Variants in LBHD1 observed in about 807,000 individuals in gnomAD.
LBHD1 encodes the protein LBH domain-containing protein 1.
LBHD1 carries 28 observed loss-of-function variants against 31.1 expected under a neutral mutation model. The observed-to-expected ratio is 0.90, with a 90% CI of 0.67 to 1.24. LBHD1 has a LOEUF of 1.24. LBHD1 is among the 50% of genes most tolerant of loss of function. The pLI, the probability that LBHD1 is intolerant of heterozygous loss-of-function variation, is 0.00. For missense variants in LBHD1, 350 were observed against 323.0 expected (o/e 1.08, Z -0.64); for synonymous variants, 105 against 116.5 (o/e 0.90, Z 0.63).
At chr11:62,671,046 C>G in intron 1 of LBHD1, 6 of 278,564 alleles carry the variant, frequency 2.2e-5, no homozygotes. Flanking sequence ...CTTCAGTGAG[C>G]CATGATCGCG....
At chr11:62,664,139 T>C (rs1944728480) in intron 5 of LBHD1, among the ~76,000 whole-genome samples, 1 of 150,624 alleles carries the variant, frequency 6.6e-6, no homozygotes, top group Non-Finnish European at 1.5e-5. Flanking sequence ...ATGGGAACTC[T>C]TCCTCAAGAC....
In LBHD1 at chr11:62,672,248, G is replaced by A; in HGVS notation, c.-695C>T. 1.1e-6 allele frequency: 1 copy of A among 931,838 alleles called. No homozygotes were observed. Among genetic ancestry groups the A allele is most frequent in the Non-Finnish European group, 1.6e-6 (1 of 631,256 alleles). 57.7% of individuals were successfully genotyped at this position (931,838 alleles called of 1,614,324 possible). A position where few individuals can be genotyped will look rare whatever the true frequency, so the allele number is the denominator to read the frequency against. On this transcript the variant is annotated 5_prime_UTR_variant, in exon 1 of 7. Coordinates refer to ENST00000354588, the MANE Select transcript of LBHD1 (RefSeq NM_024099.5). ...AGGACTCTCCGGGGTCCTGTGAGCTGCCGTCGGGTGAGCACGTTTCCCCCA... is the reference window on the plus strand; with the variant it reads ...AGGACTCTCCGGGGTCCTGTGAGCTACCGTCGGGTGAGCACGTTTCCCCCA...
At chr11:62,667,076 A>G in intron 4 of LBHD1, 3 of 1,540,656 alleles carry the variant, frequency 1.9e-6, no homozygotes, top group Non-Finnish European at 2.6e-6. Context: ...TCCTGACCCT[A>G]GTATTTCTGT....
chr11:62,662,973 G>T lies in LBHD1; in HGVS notation c.*156C>A. The T allele has an allele frequency of 2.6e-6, 3 of 1,160,428 alleles. No individual in the cohort carries two copies. Among genetic ancestry groups the T allele is most frequent in the Non-Finnish European group, 2.5e-6 (2 of 811,014 alleles). The allele number at this position is 1,160,428 out of a possible 1,614,324, so 71.9% of individuals were successfully genotyped here. A position where few individuals can be genotyped will look rare whatever the true frequency, so the allele number is the denominator to read the frequency against. On this transcript the variant is annotated 3_prime_UTR_variant, in exon 7 of 7. Coordinates refer to ENST00000354588, the MANE Select transcript of LBHD1 (RefSeq NM_024099.5). Reference sequence around the variant, plus strand: ...AATCTGGAGAGTGAAAAGGGGCCTTGCTTTTGTCAAAGTCCTCTGAAACAA... The same window carrying T: ...AATCTGGAGAGTGAAAAGGGGCCTTTCTTTTGTCAAAGTCCTCTGAAACAA...
At position 62,664,988 on chromosome 11, in the gene LBHD1, G is replaced by A. The variant is rs201122893; in HGVS notation, c.539-15C>T. ...TTCTTCAGCTCCTGCCGGGGAGAAAGATGCGAATCAGATGGAGTGGGCTCG... is the reference window on the plus strand; with the variant it reads ...TTCTTCAGCTCCTGCCGGGGAGAAAAATGCGAATCAGATGGAGTGGGCTCG... On this transcript the variant is annotated splice_polypyrimidine_tract_variant and intron_variant, in intron 4 of 6. Transcript: ENST00000354588. 3.9e-4 allele frequency: 620 copies of A among 1,608,954 alleles called. 6 individuals carry two copies. The highest frequency in any genetic ancestry group is 3.0e-4 in the Non-Finnish European group (355 of 1,179,796).
At position 62,671,927 on chromosome 11, in the gene LBHD1, C is replaced by T. The variant is rs749454282; in HGVS notation, c.-374G>A. 6.2e-7 allele frequency: 1 copy of T among 1,613,162 alleles called. No individual in the cohort carries two copies. Among genetic ancestry groups the T allele is most frequent in the South Asian group, 1.1e-5 (1 of 91,068 alleles). ...GGTGGAGAGCCCCGGACTGGAGCTCCTGCGAACTCCCCTTCCTGCCCTCAG... is the reference window on the plus strand; with the variant it reads ...GGTGGAGAGCCCCGGACTGGAGCTCTTGCGAACTCCCCTTCCTGCCCTCAG... On this transcript the variant is annotated 5_prime_UTR_variant, in exon 1 of 7. Transcript: ENST00000354588.
chr11:62,665,939 C>G, intron 4 of LBHD1: 5 of 1,611,978 alleles, frequency 3.1e-6, no homozygotes, highest in Non-Finnish European at 4.2e-6. Context: ...CGTGCCGCCC[C>G]TTTGCGGGTA....
At chr11:62,664,744 C>G (rs1944747925) in intron 5 of LBHD1, 105 bp downstream of exon 5, 2 of 1,382,552 alleles carry the variant, frequency 1.4e-6, no homozygotes, top group Non-Finnish European at 9.8e-7. Context: ...CCCGCATAAG[C>G]GTCAGTGCAC....
Position 62,671,676 on chromosome 11 carries a change from G to T in LBHD1, c.-123C>A. ...GCTCTAGCCTGCGCCAAGGGGTAGT[G>T]AGACCGCGCGGCAACAGCTTGCGGC... On this transcript the variant is annotated 5_prime_UTR_variant, in exon 1 of 7. Transcript: ENST00000354588. 6.3e-7 allele frequency: 1 copy of T among 1,594,300 alleles called. No homozygotes were observed. The highest frequency in any genetic ancestry group is 8.5e-7 in the Non-Finnish European group (1 of 1,171,224).
At chr11:62,667,929 A>G in intron 3 of LBHD1, 182 bp from the exon 4 acceptor site, 1 of 570,574 alleles carries the variant, frequency 1.8e-6, no homozygotes, top group Non-Finnish European at 3.1e-6. Context: ...TGAGCCCGGG[A>G]TAGTGGCACA....
Position 62,664,838 on chromosome 11 carries a change from C to T in LBHD1, c.663+11G>A, listed in dbSNP as rs775506624. 1 of 1,559,976 alleles carries T rather than the reference C, an allele frequency of 6.4e-7. No individual in the cohort carries two copies. Among genetic ancestry groups the T allele is most frequent in the South Asian group, 1.2e-5 (1 of 85,074 alleles). ...TGGGGACGACCAACAGGAAGAGGGTCTAGTACTTACGCCCGCTTCTTGAGG... is the reference window on the plus strand; with the variant it reads ...TGGGGACGACCAACAGGAAGAGGGTTTAGTACTTACGCCCGCTTCTTGAGG... On this transcript the variant is annotated intron_variant, in intron 5 of 6. Coordinates refer to ENST00000354588, the MANE Select transcript of LBHD1 (RefSeq NM_024099.5).
intron 1 of LBHD1, chr11:62,671,169 C>A (rs951089533): frequency 9.7e-5 from 39 of 402,794 alleles, no homozygotes; most frequent in African/African-American, 3.3e-4. Context: ...CAAACAATAC[C>A]AAGTGTGTAC....
chr11:62,667,372 C>T, intron 4 of LBHD1, 151 bp downstream of exon 4: 1 of 783,632 alleles, frequency 1.3e-6, no homozygotes, highest in Non-Finnish European at 2.1e-6. Context: ...GGAACTGAAT[C>T]AAAACCCCTG....
chr11:62,665,491 G>A (rs1379624750), intron 4 of LBHD1: 1 of 1,575,620 alleles, frequency 6.3e-7, no homozygotes, highest in African/African-American at 1.3e-5. Context: ...GAGGGAAAGG[G>A]CTCTGGCCCC....
At chr11:62,671,106 C>T (rs538193608) in intron 1 of LBHD1, 14 of 346,508 alleles carry the variant, frequency 4.0e-5, no homozygotes, top group Non-Finnish European at 5.7e-5. Flanking sequence ...TCTCCAAAAA[C>T]AAACAAAACC....
chr11:62,671,934 C>T lies in LBHD1; in HGVS notation c.-381G>A. ...AGCCCCGGACTGGAGCTCCTGCGAA[C>T]TCCCCTTCCTGCCCTCAGGAGATGC... On this transcript the variant is annotated 5_prime_UTR_variant, in exon 1 of 7. Coordinates refer to ENST00000354588, the MANE Select transcript of LBHD1 (RefSeq NM_024099.5). 2 of 1,613,408 alleles carry T rather than the reference C, an allele frequency of 1.2e-6. No homozygotes were observed. Among genetic ancestry groups the T allele is most frequent in the Non-Finnish European group, 1.7e-6 (2 of 1,179,516 alleles).
chr11:62,669,668 A>C lies in LBHD1; in HGVS notation c.286T>G (p.Phe96Val). The C allele has an allele frequency of 6.2e-7, 1 of 1,614,058 alleles. No individual in the cohort carries two copies. Among genetic ancestry groups the C allele is most frequent in the African/African-American group, 1.3e-5 (1 of 75,056 alleles). ...TDGEEEDAEAFFQDQSEEPGW... is the reference protein window; with the variant it reads ...TDGEEEDAEAVFQDQSEEPGW... Reference sequence around the variant, plus strand: ...GGCTCTTCACTTTGGTCTTGGAAGAAGGCCTCAGCATCCTCTTCCTCACCA... The same window carrying C: ...GGCTCTTCACTTTGGTCTTGGAAGACGGCCTCAGCATCCTCTTCCTCACCA... The change falls in exon 3 of 7, where the codon TTC becomes GTC. Residue 96 changes from phenylalanine to valine, a missense_variant. Coordinates refer to ENST00000354588, the MANE Select transcript of LBHD1 (RefSeq NM_024099.5).
intron 4 of LBHD1, chr11:62,665,964 G>C: frequency 1.9e-6 from 3 of 1,600,424 alleles, no homozygotes; most frequent in Non-Finnish European, 2.6e-6. Context: ...GGTGGGGGCA[G>C]AGTGGAGAGG....
chr11:62,667,059 TTAG>T lies in LBHD1; in HGVS notation c.538+461_538+463del, dbSNP rs1433203898. ...ATTCAAGGCTCTCATTAAAGACATTTTAGTAGTCCTGACCCTAGTATTTCTGTG... is the reference window on the plus strand; with the variant it reads ...ATTCAAGGCTCTCATTAAAGACATTTTAGTCCTGACCCTAGTATTTCTGTG... On this transcript the variant is annotated intron_variant, in intron 4 of 6. Coordinates refer to ENST00000354588, the MANE Select transcript of LBHD1 (RefSeq NM_024099.5). 1.9e-6 allele frequency: 3 copies of T among 1,583,408 alleles called. No individual in the cohort carries two copies. The African/African-American group carries it at 4.1e-5, about 21-fold the overall frequency.
Sources: gnomAD v4.1 joint callset for allele counts (sites outside exome capture counted in the v4.1 genomes callset) on GRCh38, gnomAD v4.1.1 for gene constraint, MANE v1.5 for transcripts, NCBI Gene and HGNC (gene_info 2026-07-23, HGNC 2026-07-21) for gene names.